The following ATP10B variants were observed in gnomAD, a reference collection of about 807,000 sequenced individuals.
ATP10B encodes ATPase phospholipid transporting 10B (putative), also known as phospholipid-transporting ATPase VB.
In ATP10B, 122 loss-of-function variants were observed where a neutral mutation model predicts 141.2. The observed-to-expected ratio is 0.86, with a 90% CI of 0.75 to 1.00. ATP10B has a LOEUF of 1.00. ATP10B is among the 50% of genes least tolerant of loss of function. ATP10B has a pLI of 0.00. For missense variants in ATP10B, 1,876 were observed against 1,825.3 expected, an observed-to-expected ratio of 1.03 and a Z score of -0.51; for synonymous variants, 685 against 692.0, an observed-to-expected ratio of 0.99 and a Z score of 0.16.
At chr5:160,873,505 A>G in the ATP10B span, among the ~76,000 whole-genome samples, 1 of 152,250 alleles carries the variant, frequency 6.6e-6, no homozygotes, top group Non-Finnish European at 1.5e-5. Flanking sequence ...AAGAATAGAC[A>G]AAAACATGGC....
intron 6 of ATP10B, among the ~76,000 whole-genome samples, chr5:160,681,173 C>A (rs1175971443): frequency 6.6e-6 from 1 of 152,172 alleles, no homozygotes; most frequent in Non-Finnish European, 1.5e-5. Flanking sequence ...TGGCAAAGAA[C>A]ATCTCAACTG....
intron 2 of ATP10B, among the ~76,000 whole-genome samples, chr5:160,730,421 C>T (rs1766656295): frequency 1.3e-5 from 2 of 152,080 alleles, no homozygotes; most frequent in Non-Finnish European, 2.9e-5. Flanking sequence ...TCCGAGGCTA[C>T]ACAACCAGGA....
chr5:160,607,017 C>T lies in ATP10B; in HGVS notation c.2908G>A (p.Asp970Asn), dbSNP rs1044992663. 32 of 1,614,010 alleles carry T rather than the reference C, an allele frequency of 2.0e-5. No homozygotes were observed. The highest frequency in any genetic ancestry group is 2.5e-5 in the Non-Finnish European group (30 of 1,180,018). ...LKQFRELQKP[D>N]RKLFGFRLPS... The stretch of plus-strand genomic sequence containing the variant: ...AAGCGGAATCCAAAGAGCTTGCGGT[C>T]TGGCTTCTGTAGTTCACGAAATTGC... Residue 970 changes from aspartate (D) to asparagine (N), a missense_variant, in exon 19 of 26, where the codon GAC becomes AAC. Transcript: ENST00000327245.
intron 1 of ATP10B, among the ~76,000 whole-genome samples, chr5:160,840,200 C>T (rs1443696903): frequency 2.0e-5 from 3 of 151,576 alleles, no homozygotes; most frequent in Admixed American, 2.0e-4. Flanking sequence ...ATAGATTCAC[C>T]CAAGAAAATA....
the ATP10B span, among the ~76,000 whole-genome samples, chr5:160,859,943 C>T: frequency 1.3e-5 from 2 of 151,884 alleles, no homozygotes; most frequent in South Asian, 4.2e-4. Context: ...GTCAACTCTA[C>T]TTGTTGCAGA....
At chr5:160,593,662 C>A (rs4489101) in intron 22 of ATP10B, among the ~76,000 whole-genome samples, 6 of 151,950 alleles carry the variant, frequency 3.9e-5, no homozygotes, top group African/African-American at 1.5e-4. Flanking sequence ...AAAAACTTTG[C>A]AAAAAATTTA....
At chr5:160,668,492 A>G (rs1412075728) in intron 7 of ATP10B, among the ~76,000 whole-genome samples, 1 of 152,214 alleles carries the variant, frequency 6.6e-6, no homozygotes, top group Non-Finnish European at 1.5e-5. Context: ...CTTGTCTAGA[A>G]TGACTCTGTG....
intron 3 of ATP10B, among the ~76,000 whole-genome samples, chr5:160,690,741 C>T (rs1162983980): frequency 6.6e-6 from 1 of 152,152 alleles, no homozygotes; most frequent in Admixed American, 6.5e-5. Flanking sequence ...AATAAGAATG[C>T]TTTTACACTG....
rs1369920587 is a variant in ATP10B at position 160,730,799 on chromosome 5, A to G, written c.-330-13765T>C. ...CCATATATGACCCGCCCCTGTGGAC[A>G]TGGTTAAATTTTAATGCATCCTCAA... On this transcript the variant is annotated intron_variant, in intron 2 of 25. Transcript: ENST00000327245. 9.9e-5 allele frequency among the ~76,000 whole-genome samples: 15 copies of G among 152,106 alleles called. 1 individual carries two copies. Among genetic ancestry groups the G allele is most frequent in the Admixed American group, 9.8e-4 (15 of 15,266 alleles).
chr5:160,784,119 A>AT (rs1264969472), intron 2 of ATP10B, among the ~76,000 whole-genome samples: 1 of 152,138 alleles, frequency 6.6e-6, no homozygotes, highest in Non-Finnish European at 1.5e-5. Flanking sequence ...TAAAAGACAG[A>AT]TTTTGAGACA....
chr5:160,792,261 G>C (rs562810757), intron 1 of ATP10B, among the ~76,000 whole-genome samples: 14 of 152,240 alleles, frequency 9.2e-5, no homozygotes, highest in African/African-American at 3.4e-4. Context: ...TTCCCACAAT[G>C]CCTCAAACAC....
intron 9 of ATP10B, among the ~76,000 whole-genome samples, chr5:160,642,112 A>C (rs1249398559): frequency 6.6e-6 from 1 of 152,194 alleles, no homozygotes; most frequent in Non-Finnish European, 1.5e-5. Context: ...TGTGGGCTCT[A>C]GAGTCGGAGC....
chr5:160,649,257 C>T lies in ATP10B; in HGVS notation c.676-1G>A. 1 of 1,612,122 alleles carries T rather than the reference C, an allele frequency of 6.2e-7. No individual in the cohort carries two copies. The highest frequency in any genetic ancestry group is 8.5e-7 in the Non-Finnish European group (1 of 1,178,304). On this transcript the variant is annotated splice_acceptor_variant, in intron 7 of 25. Transcript: ENST00000327245. LOFTEE classifies it high-confidence loss of function. ...AAAGCTCTGGTTCGAACTGTACCTC[C>T]TGTGAGAGAGAGGACTCTGTGAGTT...
chr5:160,794,676 A>G (rs1399408152), intron 1 of ATP10B, among the ~76,000 whole-genome samples: 1 of 152,202 alleles, frequency 6.6e-6, no homozygotes, highest in Non-Finnish European at 1.5e-5. Flanking sequence ...GACTATTCTA[A>G]AAACATCAAA....
chr5:160,839,973 T>C (rs1289144406), intron 1 of ATP10B, among the ~76,000 whole-genome samples: 1 of 151,918 alleles, frequency 6.6e-6, no homozygotes, highest in Non-Finnish European at 1.5e-5. Flanking sequence ...AGGTAAAATA[T>C]ATAATAAGAA....
the ATP10B span, among the ~76,000 whole-genome samples, chr5:160,880,981 A>C: frequency 1.1e-4 from 16 of 152,330 alleles, no homozygotes; most frequent in Non-Finnish European, 1.5e-4. Flanking sequence ...CCGAAAGACA[A>C]CATCAAGAGA....
intron 22 of ATP10B, among the ~76,000 whole-genome samples, chr5:160,592,624 G>A (rs1176022861): frequency 4.6e-5 from 7 of 152,218 alleles, no homozygotes; most frequent in Admixed American, 1.3e-4. Context: ...TGCCTCATTC[G>A]GGAAGCACAA....
At chr5:160,652,965 GTATATATA>G (rs1561702472) in intron 7 of ATP10B, among the ~76,000 whole-genome samples, 1 of 73,116 alleles carries the variant, frequency 1.4e-5, no homozygotes, top group Non-Finnish European at 2.3e-5. Flanking sequence ...ATATATACAT[GTATATATA>G]ATATATACAT....
intron 3 of ATP10B, among the ~76,000 whole-genome samples, chr5:160,705,121 T>C (rs896055836): frequency 1.3e-4 from 19 of 151,800 alleles, no homozygotes; most frequent in African/African-American, 4.4e-4. Context: ...GGTTTCACTG[T>C]GTTAGCCAGG....
Sources: allele counts gnomAD v4.1 joint callset (sites outside exome capture counted in the v4.1 genomes callset), GRCh38; gene constraint gnomAD v4.1.1; transcripts MANE v1.5; gene names NCBI Gene and HGNC (gene_info 2026-07-23, HGNC 2026-07-21).